FNDC3A: variants seen among roughly 807,000 people sequenced by gnomAD.
The protein encoded by FNDC3A is fibronectin type III domain containing 3A, also known as fibronectin type-III domain-containing protein 3A.
Under a neutral mutation model 148.9 loss-of-function variants are expected in FNDC3A, and 32 were observed. The observed-to-expected ratio is 0.21, with a 90% confidence interval of 0.16 to 0.29. The LOEUF (loss-of-function observed/expected upper bound fraction) is 0.29, where lower values mean the gene tolerates loss of function less well. Among genes scored for constraint, FNDC3A ranks in the 10% least tolerant of loss-of-function variants. The probability of loss-of-function intolerance (pLI) is 1.00; values close to 1 mark genes in which losing one functional copy is unlikely to be tolerated. For missense variants in FNDC3A, 1,191 were observed against 1,452.8 expected, an observed-to-expected ratio of 0.82 and a Z score of 2.93; for synonymous variants, 472 against 473.6, an observed-to-expected ratio of 1.00 and a Z score of 0.04.
chr13:49,099,116 A>G (rs1879706699), intron 3 of FNDC3A, among the ~76,000 whole-genome samples: 1 of 152,094 alleles, frequency 6.6e-6, no homozygotes, highest in Non-Finnish European at 1.5e-5. Context: ...CCTCATCTTG[A>G]TATCTAACTG....
intron 2 of FNDC3A, among the ~76,000 whole-genome samples, chr13:49,062,032 C>T (rs1284644290): frequency 1.3e-5 from 2 of 151,682 alleles, no homozygotes; most frequent in Admixed American, 1.3e-4. Flanking sequence ...TTGCGGAAAC[C>T]ATTGTGTAAA....
At chr13:49,198,962 A>AT (rs1886291978) in intron 23 of FNDC3A, among the ~76,000 whole-genome samples, 1 of 152,156 alleles carries the variant, frequency 6.6e-6, no homozygotes, top group African/African-American at 2.4e-5. Context: ...TTTTCATGAT[A>AT]GTAAAAGACA....
chr13:49,091,987 A>G (rs893172262), intron 3 of FNDC3A, among the ~76,000 whole-genome samples: 1 of 152,338 alleles, frequency 6.6e-6, no homozygotes, highest in Admixed American at 6.5e-5. Flanking sequence ...GTAACGGGCC[A>G]AGAGCTGTCT....
intron 3 of FNDC3A, among the ~76,000 whole-genome samples, chr13:49,094,160 CT>C (rs1352558548): frequency 1.3e-5 from 2 of 151,996 alleles, no homozygotes; most frequent in East Asian, 3.8e-4. Flanking sequence ...TTTGATTCTA[CT>C]TTTTTGGAAA....
chr13:49,037,663 G>A (rs948633341), intron 2 of FNDC3A, among the ~76,000 whole-genome samples: 1 of 152,192 alleles, frequency 6.6e-6, no homozygotes, highest in Non-Finnish European at 1.5e-5. Context: ...GAGATAGGGT[G>A]AAACGGGAGA....
At chr13:49,010,205 A>T (rs1316695397) in intron 2 of FNDC3A, among the ~76,000 whole-genome samples, 1 of 152,218 alleles carries the variant, frequency 6.6e-6, no homozygotes, top group Non-Finnish European at 1.5e-5. Flanking sequence ...TGGATTGGCT[A>T]GTTTTAATAA....
At chr13:49,124,429 G>T (rs541713112) in intron 4 of FNDC3A, among the ~76,000 whole-genome samples, 3 of 151,266 alleles carry the variant, frequency 2.0e-5, no homozygotes, top group African/African-American at 2.4e-5. Context: ...ACCATGGCAC[G>T]TGTATACCTA....
At chr13:49,081,190 C>T (rs546098428) in intron 3 of FNDC3A, among the ~76,000 whole-genome samples, 11 of 152,178 alleles carry the variant, frequency 7.2e-5, no homozygotes, top group African/African-American at 1.7e-4. Context: ...ATGGGGCTAA[C>T]GAGTAAGAAT....
intron 3 of FNDC3A, among the ~76,000 whole-genome samples, chr13:49,075,821 AC>A (rs1387871665): frequency 1.8e-5 from 1 of 54,656 alleles, no homozygotes; most frequent in Non-Finnish European, 4.1e-5. Flanking sequence ...CCCCACCCCC[AC>A]CCCCCCTTTC....
chr13:49,002,489 C>T (rs1952143879), intron 1 of FNDC3A, among the ~76,000 whole-genome samples: 1 of 152,052 alleles, frequency 6.6e-6, no homozygotes, highest in Non-Finnish European at 1.5e-5. Context: ...CATATATAAT[C>T]AGTATACAGC....
At chr13:49,132,125 A>G (rs1045200058) in intron 5 of FNDC3A, among the ~76,000 whole-genome samples, 4 of 152,132 alleles carry the variant, frequency 2.6e-5, no homozygotes, top group Admixed American at 6.5e-5. Flanking sequence ...TACATCAATT[A>G]GTATCAGTTT....
In FNDC3A at chr13:49,071,061, CTT is replaced by C. The variant is rs35935869; in HGVS notation, c.100-4210_100-4209del. On this transcript the variant is annotated intron_variant, in intron 2 of 25. Coordinates refer to ENST00000492622, the MANE Select transcript of FNDC3A (RefSeq NM_001079673.2). Reference sequence around the variant, plus strand: ...CTACAGGCATGTACCCCCATGCCGGCTTTTTTTTTTTTTTTTTTTGTAGAGAT... The same window carrying C: ...CTACAGGCATGTACCCCCATGCCGGCTTTTTTTTTTTTTTTTTGTAGAGAT... 5.1e-4 allele frequency among the ~76,000 whole-genome samples: 43 copies of C among 84,704 alleles called. 1 individual carries two copies. The highest frequency in any genetic ancestry group is 3.4e-3 in the East Asian group (10 of 2,930). The allele number at this position is 84,704 out of a possible 152,430, so 55.6% of individuals were successfully genotyped here.
intron 19 of FNDC3A, among the ~76,000 whole-genome samples, chr13:49,193,858 T>TC (rs1261533334): frequency 6.6e-6 from 1 of 151,840 alleles, no homozygotes; most frequent in Non-Finnish European, 1.5e-5. Flanking sequence ...AGGCGGAGGT[T>TC]ACAGTGAGCT....
chr13:49,041,116 A>T (rs779189125), intron 2 of FNDC3A, among the ~76,000 whole-genome samples: 2 of 152,218 alleles, frequency 1.3e-5, no homozygotes, highest in African/African-American at 4.8e-5. Flanking sequence ...ATTATTTGCC[A>T]GAAACCTGTG....
chr13:49,187,093 G>C (rs372884624), intron 15 of FNDC3A, 29 bp from the exon 16 acceptor site: 5 of 1,527,360 alleles, frequency 3.3e-6, no homozygotes, highest in African/African-American at 1.4e-5. Context: ...TTTGTACCTT[G>C]CCTAATACTA....
Position 49,175,366 on chromosome 13 carries a change from G to A in FNDC3A, c.1356-1G>A. The A allele has an allele frequency of 6.4e-7, 1 of 1,552,488 alleles. No homozygotes were observed. The highest frequency in any genetic ancestry group is 8.7e-7 in the Non-Finnish European group (1 of 1,150,278). On this transcript the variant is annotated splice_acceptor_variant, in intron 12 of 25. Coordinates refer to ENST00000492622, the MANE Select transcript of FNDC3A (RefSeq NM_001079673.2). LOFTEE classifies it high-confidence loss of function. ...CCTTTTAAAACCATTTGTTTCAACA[G>A]TGGTTTTAGTGAAGAAGTCTTATAT...
At chr13:49,176,344 A>C (rs1480040437) in intron 13 of FNDC3A, among the ~76,000 whole-genome samples, 1 of 152,110 alleles carries the variant, frequency 6.6e-6, no homozygotes, top group Admixed American at 6.6e-5. Flanking sequence ...TTGGTAGGCT[A>C]TGCTGGAAAC....
intron 2 of FNDC3A, among the ~76,000 whole-genome samples, chr13:49,021,983 A>G (rs781268782): frequency 3.3e-5 from 5 of 152,236 alleles, no homozygotes; most frequent in Admixed American, 6.5e-5. Flanking sequence ...GACTGTATAT[A>G]TAGAATAAAA....
chr13:49,067,376 G>A (rs1877336388), intron 2 of FNDC3A, among the ~76,000 whole-genome samples: 1 of 152,078 alleles, frequency 6.6e-6, no homozygotes, highest in Non-Finnish European at 1.5e-5. Flanking sequence ...CAGATTGTTG[G>A]TTTGGCATTC....
Sources: allele counts gnomAD v4.1 joint callset (sites outside exome capture counted in the v4.1 genomes callset), GRCh38; gene constraint gnomAD v4.1.1; transcripts MANE v1.5; gene names NCBI Gene and HGNC (gene_info 2026-07-23, HGNC 2026-07-21).